Variants in SMAP1 observed in about 807,000 individuals in gnomAD.
SMAP1 encodes stromal membrane-associated protein 1.
Under a neutral mutation model 58.5 loss-of-function variants are expected in SMAP1, and 24 were observed. The ratio of observed to expected loss-of-function variants is 0.41; its 90% CI spans 0.30 to 0.58. SMAP1 has a LOEUF of 0.58. SMAP1 is among the 20% of genes least tolerant of loss of function. SMAP1 has a pLI of 0.29. For synonymous variants in SMAP1, 216 were observed against 196.6 expected, an observed-to-expected ratio of 1.10 and a Z score of -0.82; for missense variants, 563 against 566.3, an observed-to-expected ratio of 0.99 and a Z score of 0.06.
intron 4 of SMAP1, among the ~76,000 whole-genome samples, chr6:70,787,012 A>T (rs1460111856): frequency 6.6e-6 from 1 of 152,168 alleles, no homozygotes; most frequent in Non-Finnish European, 1.5e-5. Flanking sequence ...AGCCAAAAGA[A>T]CAAAGCTGGA....
intron 4 of SMAP1, among the ~76,000 whole-genome samples, chr6:70,784,565 A>G (rs1288321079): frequency 6.6e-6 from 1 of 152,208 alleles, no homozygotes; most frequent in Non-Finnish European, 1.5e-5. Context: ...CCCATCTCAC[A>G]TGCAGAGACA....
chr6:70,828,875 C>T (rs1770246373), intron 6 of SMAP1, among the ~76,000 whole-genome samples: 1 of 152,042 alleles, frequency 6.6e-6, no homozygotes, highest in African/African-American at 2.4e-5. Flanking sequence ...CTGTCTCAAA[C>T]CCCAACAGAA....
intron 7 of SMAP1, among the ~76,000 whole-genome samples, chr6:70,841,553 G>A (rs898091763): frequency 6.6e-5 from 10 of 152,130 alleles, no homozygotes; most frequent in African/African-American, 1.7e-4. Flanking sequence ...CATTCTATTC[G>A]TTACTTTAAT....
intron 1 of SMAP1, among the ~76,000 whole-genome samples, chr6:70,728,170 A>G (rs1765267537): frequency 6.6e-6 from 1 of 152,164 alleles, no homozygotes. Flanking sequence ...CATCTTCACC[A>G]TGGGGCTTTT....
At chr6:70,790,240 A>G (rs944146116) in intron 4 of SMAP1, among the ~76,000 whole-genome samples, 2 of 152,072 alleles carry the variant, frequency 1.3e-5, no homozygotes, top group African/African-American at 4.8e-5. Context: ...TCCCAGGTTC[A>G]TGTGATTCTC....
intron 6 of SMAP1, among the ~76,000 whole-genome samples, chr6:70,812,313 A>G (rs1044079289): frequency 3.3e-5 from 5 of 152,228 alleles, no homozygotes; most frequent in African/African-American, 7.2e-5. Context: ...ATTATAAGTT[A>G]TCCAAAGTCA....
chr6:70,673,484 GC>G (rs2128548034), intron 1 of SMAP1, among the ~76,000 whole-genome samples: 1 of 151,988 alleles, frequency 6.6e-6, no homozygotes, highest in South Asian at 2.1e-4. Context: ...AACGTGTAGA[GC>G]CCATTTGATT....
chr6:70,763,695 T>G (rs928317114), intron 3 of SMAP1, among the ~76,000 whole-genome samples: 1 of 152,188 alleles, frequency 6.6e-6, no homozygotes, highest in Admixed American at 6.5e-5. Flanking sequence ...GCTACTCTAG[T>G]AAACACATGA....
chr6:70,748,543 A>G (rs1766142392), intron 2 of SMAP1, among the ~76,000 whole-genome samples: 1 of 152,098 alleles, frequency 6.6e-6, no homozygotes, highest in African/African-American at 2.4e-5. Flanking sequence ...TTTTTAAAAT[A>G]TATATTCATG....
chr6:70,827,540 AT>A (rs551963413), intron 6 of SMAP1, among the ~76,000 whole-genome samples: 172 of 152,302 alleles, frequency 1.1e-3, no homozygotes, highest in African/African-American at 4.0e-3. Flanking sequence ...GATGTTACAA[AT>A]TGTCTGAAGA....
chr6:70,861,681 T>C lies in SMAP1; in HGVS notation c.*1347T>C. ...CTTCAATTTATACCTCAATTTTCAC[T>C]GTGTCCAGGTGGTACTTTGGCTCGT... On this transcript the variant is annotated 3_prime_UTR_variant, in exon 11 of 11. Coordinates refer to ENST00000370455, the MANE Select transcript of SMAP1 (RefSeq NM_001044305.3). The C allele has an allele frequency of 1.2e-6, 2 of 1,613,730 alleles. No homozygotes were observed. The highest frequency in any genetic ancestry group is 1.7e-6 in the Non-Finnish European group (2 of 1,179,654).
chr6:70,826,616 C>T (rs1281707736), intron 6 of SMAP1, among the ~76,000 whole-genome samples: 6 of 151,854 alleles, frequency 4.0e-5, no homozygotes. Context: ...ATTAGCTGGG[C>T]GTGGTGGCTT....
intron 4 of SMAP1, among the ~76,000 whole-genome samples, chr6:70,786,367 G>A (rs1034933692): frequency 2.8e-5 from 4 of 143,856 alleles, no homozygotes; most frequent in African/African-American, 1.1e-4. Context: ...GCAAAAACTG[G>A]AAGCATTCCC....
At chr6:70,755,880 A>G (rs548262624) in intron 3 of SMAP1, among the ~76,000 whole-genome samples, 1 of 152,016 alleles carries the variant, frequency 6.6e-6, no homozygotes. Flanking sequence ...GGCAAATTAC[A>G]TAGTATTTTT....
intron 1 of SMAP1, among the ~76,000 whole-genome samples, chr6:70,722,125 A>G (rs1370645666): frequency 6.6e-6 from 1 of 152,276 alleles, no homozygotes; most frequent in Non-Finnish European, 1.5e-5. Flanking sequence ...CTCTACAAGT[A>G]CTAATGAAGG....
chr6:70,738,081 C>T (rs1358426413), intron 2 of SMAP1, among the ~76,000 whole-genome samples: 2 of 152,078 alleles, frequency 1.3e-5, no homozygotes, highest in Non-Finnish European at 2.9e-5. Flanking sequence ...TGTAAAGAGG[C>T]GGGACAACCA....
At chr6:70,677,856 C>A (rs911002945) in intron 1 of SMAP1, among the ~76,000 whole-genome samples, 4 of 152,064 alleles carry the variant, frequency 2.6e-5, no homozygotes, top group African/African-American at 7.2e-5. Context: ...GTTGAGGAGT[C>A]CTTTTGTTTA....
intron 3 of SMAP1, among the ~76,000 whole-genome samples, chr6:70,765,240 G>C (rs1310829548): frequency 6.6e-6 from 1 of 152,156 alleles, no homozygotes; most frequent in African/African-American, 2.4e-5. Context: ...ACCATATAGA[G>C]CCTCACTTAA....
chr6:70,859,319 T>C (rs1771590129), intron 10 of SMAP1: 4 of 1,544,100 alleles, frequency 2.6e-6, no homozygotes, highest in East Asian at 2.5e-5. Context: ...ATACTGGCTC[T>C]TACTTCCAGA....
Sources: allele counts gnomAD v4.1 joint callset (sites outside exome capture counted in the v4.1 genomes callset), GRCh38; gene constraint gnomAD v4.1.1; transcripts MANE v1.5; gene names NCBI Gene and HGNC (gene_info 2026-07-23, HGNC 2026-07-21).